The following COL3A1 variants were observed in gnomAD, a reference collection of about 807,000 sequenced individuals.
The protein encoded by COL3A1 is collagen alpha-1(III) chain.
Under a neutral mutation model 200.9 loss-of-function variants are expected in COL3A1, and 46 were observed. The ratio of observed to expected loss-of-function variants is 0.23; its 90% CI spans 0.18 to 0.29. COL3A1 has a LOEUF of 0.29. Among genes scored for constraint, COL3A1 ranks in the 10% least tolerant of loss-of-function variants. The pLI, the probability that COL3A1 is intolerant of heterozygous loss-of-function variation, is 1.00. For synonymous variants in COL3A1, 650 were observed against 628.0 expected, an observed-to-expected ratio of 1.03 and a Z score of -0.52; for missense variants, 1,367 against 1,917.6, an observed-to-expected ratio of 0.71 and a Z score of 5.36.
intron 29 of COL3A1, 22 bp downstream of exon 29, chr2:188,998,740 T>C (rs1476830216): frequency 6.2e-7 from 1 of 1,610,524 alleles, no homozygotes; most frequent in Non-Finnish European, 8.5e-7. Flanking sequence ...ATTTATTCTC[T>C]ACCTTCTTCA....
Position 189,011,870 on chromosome 2 carries a change from T to C in COL3A1, c.*96T>C. 7.4e-7 allele frequency: 1 copy of C among 1,351,900 alleles called. No homozygotes were observed. 83.7% of individuals were successfully genotyped at this position (1,351,900 alleles called of 1,614,324 possible). ...CAACCAGTGCAAGTGACCGACAAAATTCCAGTTATTTATTTCCAAAATGTT... is the reference window on the plus strand; with the variant it reads ...CAACCAGTGCAAGTGACCGACAAAACTCCAGTTATTTATTTCCAAAATGTT... On this transcript the variant is annotated 3_prime_UTR_variant, in exon 51 of 51. Coordinates refer to ENST00000304636, the MANE Select transcript of COL3A1 (RefSeq NM_000090.4).
chr2:189,002,277 G>C (rs372159749), intron 34 of COL3A1, 21 bp from the exon 35 acceptor site: 1 of 1,607,760 alleles, frequency 6.2e-7, no homozygotes, highest in Non-Finnish European at 8.5e-7. Context: ...CTGTGACTAA[G>C]GAGGATATTT....
At chr2:188,993,523 C>T in intron 16 of COL3A1, 64 bp downstream of exon 16, 1 of 1,312,210 alleles carries the variant, frequency 7.6e-7, no homozygotes, top group Admixed American at 2.0e-5. Context: ...AGCATAGTTT[C>T]ATGCTTACTC....
At chr2:188,991,349 A>G in intron 11 of COL3A1, 138 bp from the exon 12 acceptor site, 1 of 656,632 alleles carries the variant, frequency 1.5e-6, no homozygotes, top group Non-Finnish European at 2.5e-6. Context: ...TAAATAAAAT[A>G]CTAACAGAAA....
intron 47 of COL3A1, chr2:189,008,650 T>A: frequency 1.9e-6 from 1 of 532,596 alleles, no homozygotes; most frequent in South Asian, 2.2e-5. Context: ...TTTGCTTACA[T>A]CAGTCATCCA....
chr2:188,985,361 G>A, intron 3 of COL3A1, 114 bp downstream of exon 3: 1 of 849,544 alleles, frequency 1.2e-6, no homozygotes, highest in Non-Finnish European at 2.0e-6. Context: ...CCACATATTT[G>A]AATAATGGCA....
chr2:189,009,560 T>C (rs1283879677), intron 48 of COL3A1, among the ~76,000 whole-genome samples: 1 of 152,184 alleles, frequency 6.6e-6, no homozygotes, highest in Non-Finnish European at 1.5e-5. Context: ...ATTATTGTAA[T>C]ATTTACTTAT....
intron 1 of COL3A1, among the ~76,000 whole-genome samples, chr2:188,976,409 T>C (rs1687817073): frequency 6.6e-6 from 1 of 152,176 alleles, no homozygotes; most frequent in African/African-American, 2.4e-5. Flanking sequence ...TGTTTGTGTG[T>C]TCTTAAGCTC....
intron 1 of COL3A1, among the ~76,000 whole-genome samples, chr2:188,980,598 G>T (rs1180595404): frequency 1.4e-5 from 2 of 147,862 alleles, no homozygotes; most frequent in African/African-American, 5.0e-5. Flanking sequence ...TTTCCTGGAG[G>T]TAGCAAGAAT....
intron 1 of COL3A1, among the ~76,000 whole-genome samples, chr2:188,975,293 G>T (rs917729267): frequency 4.6e-5 from 7 of 152,160 alleles, no homozygotes; most frequent in Non-Finnish European, 8.8e-5. Flanking sequence ...CAGGAGGTTT[G>T]ACTTTGCTGC....
intron 1 of COL3A1, among the ~76,000 whole-genome samples, chr2:188,983,110 G>C (rs985118998): frequency 2.0e-5 from 3 of 151,796 alleles, no homozygotes; most frequent in African/African-American, 7.2e-5. Context: ...ATTAAGAAAT[G>C]CTGTTTTAAA....
Position 188,991,674 on chromosome 2 carries a change from A to G in COL3A1, c.903A>G (p.Pro301=). 2 of 1,614,018 alleles carry G rather than the reference A, an allele frequency of 1.2e-6. No individual in the cohort carries two copies. Among genetic ancestry groups the G allele is most frequent in the Non-Finnish European group, 1.7e-6 (2 of 1,179,928 alleles). ...ATTTCAATTTTACTCTGTAGGGTCC[A>G]AGAGGGGCTCCTGGTGAGCGAGGAC... The part of the protein sequence containing the change: ...GENGAPGPMG[P]RGAPGERGRP... The change falls in exon 13 of 51, where the codon CCA becomes CCG. Residue 301 remains proline (P), a synonymous_variant. Coordinates refer to ENST00000304636, the MANE Select transcript of COL3A1 (RefSeq NM_000090.4).
chr2:189,008,991 G>A lies in COL3A1; in HGVS notation c.3593G>A (p.Gly1198Asp), dbSNP rs756858564. The change falls in exon 48 of 51, where the codon GGT (glycine) becomes GAT (aspartate). Residue 1198 changes from glycine (G) to aspartate (D), a missense_variant. By Grantham distance (94) the Gly-to-Asp change is moderately conservative (BLOSUM62 -1). Transcript: ENST00000304636. The part of the protein sequence containing the change: ...GPPGAPGPCC[G>D]GVGAAAIAGI... ...CCTGGTGCCCCTGGTCCTTGCTGTG[G>A]TGGTGTTGGAGCCGCTGCCATTGCT... 13 of 1,614,060 alleles carry A rather than the reference G, an allele frequency of 8.1e-6. No individual in the cohort carries two copies. The highest frequency in any genetic ancestry group is 1.0e-5 in the Non-Finnish European group (12 of 1,180,048).
At chr2:188,999,237 T>G in intron 29 of COL3A1, 48 bp from the exon 30 acceptor site, 1 of 1,519,022 alleles carries the variant, frequency 6.6e-7, no homozygotes, top group Non-Finnish European at 8.9e-7. Context: ...GTGCTTTGTT[T>G]TTAGCTTTGG....
chr2:188,991,030 G>A lies in COL3A1; in HGVS notation c.825G>A (p.Lys275=), dbSNP rs754262933. 6.2e-7 allele frequency: 1 copy of A among 1,613,198 alleles called. No homozygotes were observed. The highest frequency in any genetic ancestry group is 1.1e-5 in the South Asian group (1 of 90,978). ...GCTTCGATGGACGAAATGGAGAAAA[G>A]GGTGAAACAGGTGCTCCTGGATTAA... is the stretch of plus-strand genomic sequence containing the variant. ...HRGFDGRNGE[K]GETGAPGLKG... is the part of the protein sequence containing the mutation. Residue 275 remains lysine (K), a synonymous_variant, in exon 11 of 51, where the codon AAG becomes AAA. Coordinates refer to ENST00000304636, the MANE Select transcript of COL3A1 (RefSeq NM_000090.4).
At position 188,990,100 on chromosome 2, in the gene COL3A1, A is replaced by C. The variant is rs774467247; in HGVS notation, c.695A>C (p.Glu232Ala). 1.2e-6 allele frequency: 2 copies of C among 1,613,210 alleles called. No homozygotes were observed. The highest frequency in any genetic ancestry group is 1.7e-6 in the Non-Finnish European group (2 of 1,179,514). ...ATTCTTTATTTCTCTACCTAGGGAG[A>C]ATCAGGTAGACCCGGACGACCTGGA... ...GPSGPAGKDG[E>A]SGRPGRPGER... is the part of the protein sequence containing the mutation. Residue 232 changes from glutamate to alanine, a missense_variant, in exon 9 of 51, where the codon GAA becomes GCA. By Grantham distance (107) the Glu-to-Ala change is moderately radical. Coordinates refer to ENST00000304636, the MANE Select transcript of COL3A1 (RefSeq NM_000090.4).
chr2:189,006,909 T>A (rs747224512), intron 43 of COL3A1, 28 bp from the exon 44 acceptor site: 1 of 1,612,558 alleles, frequency 6.2e-7, no homozygotes, highest in Non-Finnish European at 8.5e-7. Context: ...TCCGTGTATG[T>A]CTTCTCAATT....
In COL3A1 at chr2:188,994,076, C is replaced by T. The variant is rs745743884; in HGVS notation, c.1188C>T (p.Gly396=). The stretch of plus-strand genomic sequence containing the variant: ...TTAATGGTAGTCCTGGTGGTAAAGG[C>T]GAAATGGTAAGCTGTCCCCACTCCT... ...PGINGSPGGK[G]EMGPAGIPGA... Residue 396 remains glycine (G), a synonymous_variant, in exon 17 of 51, where the codon GGC becomes GGT. Coordinates refer to ENST00000304636, the MANE Select transcript of COL3A1 (RefSeq NM_000090.4). This position sits in a 1 kb window ranked among gnomAD's most constrained non-coding sequence, Gnocchi z 4.5. 144 of 1,614,042 alleles carry T rather than the reference C, an allele frequency of 8.9e-5. No homozygotes were observed. The Middle Eastern group carries it at 1.5e-3, about 17-fold the overall frequency.
intron 27 of COL3A1, among the ~76,000 whole-genome samples, chr2:188,998,043 T>A (rs933459264): frequency 6.6e-6 from 1 of 152,224 alleles, no homozygotes; most frequent in Non-Finnish European, 1.5e-5. Flanking sequence ...GGTCAATACA[T>A]TTTTACGTGT....
Sources: allele counts gnomAD v4.1 joint callset (sites outside exome capture counted in the v4.1 genomes callset), GRCh38; gene constraint gnomAD v4.1.1; non-coding constraint Gnocchi (gnomAD v3.1); transcripts MANE v1.5; gene names NCBI Gene and HGNC (gene_info 2026-07-23, HGNC 2026-07-21).